Variants in SLC16A7 observed in about 807,000 individuals in gnomAD.
SLC16A7 encodes the protein solute carrier family 16 member 7, also known as monocarboxylate transporter 2.
In SLC16A7, 33 loss-of-function variants were observed where a neutral mutation model predicts 34.9. The ratio of observed to expected loss-of-function variants is 0.94; its 90% CI spans 0.72 to 1.26. The LOEUF is 1.26. SLC16A7 is among the 50% of genes most tolerant of loss of function. The pLI is 0.00. For missense variants in SLC16A7, 573 were observed against 578.1 expected, an observed-to-expected ratio of 0.99 and a Z score of 0.09; for synonymous variants, 201 against 206.6, an observed-to-expected ratio of 0.97 and a Z score of 0.23.
At chr12:59,645,672 T>C (rs2137011351) in intron 1 of SLC16A7, among the ~76,000 whole-genome samples, 2 of 148,562 alleles carry the variant, frequency 1.3e-5, no homozygotes, top group South Asian at 4.5e-4. Flanking sequence ...CCACAGAGAG[T>C]GGGGTGCTGC....
intron 3 of SLC16A7, among the ~76,000 whole-genome samples, chr12:59,749,127 G>A (rs527384189): frequency 2.2e-4 from 34 of 152,202 alleles, no homozygotes; most frequent in Non-Finnish European, 4.6e-4. Flanking sequence ...AAATTTATTA[G>A]TAAGGAAGAG....
intron 1 of SLC16A7, among the ~76,000 whole-genome samples, chr12:59,619,759 G>A (rs1174691138): frequency 2.6e-5 from 4 of 151,876 alleles, no homozygotes; most frequent in African/African-American, 9.7e-5. Flanking sequence ...AAATTGCTAG[G>A]CAAGGAGAAG....
intron 3 of SLC16A7, among the ~76,000 whole-genome samples, chr12:59,743,944 T>C (rs1878609968): frequency 6.6e-6 from 1 of 152,198 alleles, no homozygotes; most frequent in Non-Finnish European, 1.5e-5. Flanking sequence ...TGAGAGAAAA[T>C]GAAATACTGA....
At chr12:59,704,225 GA>G (rs199580719) in intron 2 of SLC16A7, among the ~76,000 whole-genome samples, 14,102 of 121,386 alleles carry the variant, frequency 0.12, 837 homozygotes, top group Non-Finnish European at 0.15. Context: ...AAAAGAAAAA[GA>G]AAAAAAAAAG....
In SLC16A7 at chr12:59,596,541, G is replaced by A. The variant is rs1878408751; in HGVS notation, c.-130+305G>A. On this transcript the variant is annotated intron_variant, in intron 1 of 5. Transcript: ENST00000547379. This position sits in a 1 kb window ranked among gnomAD's most constrained non-coding sequence, Gnocchi z 5.0. ...GGAGCGCCTCGCGTGCTTTCGGCCA[G>A]GAGGTGCTCACGCTCTCGGCTTTTA... Among the ~76,000 whole-genome samples, 1 of 152,138 alleles carries A rather than the reference G, an allele frequency of 6.6e-6. No individual in the cohort carries two copies. The highest frequency in any genetic ancestry group is 2.1e-4 in the South Asian group (1 of 4,830).
intron 1 of SLC16A7, among the ~76,000 whole-genome samples, chr12:59,628,957 A>T (rs1402569970): frequency 6.6e-6 from 1 of 151,674 alleles, no homozygotes; most frequent in Non-Finnish European, 1.5e-5. Context: ...TAAACTGGGG[A>T]GGTTACACAA....
chr12:59,745,553 C>T (rs1878802152), intron 3 of SLC16A7, among the ~76,000 whole-genome samples: 1 of 152,154 alleles, frequency 6.6e-6, no homozygotes, highest in South Asian at 2.1e-4. Context: ...TCACCAAACA[C>T]ACAATGAATG....
At chr12:59,763,360 C>A (rs148435353) in intron 3 of SLC16A7, among the ~76,000 whole-genome samples, 1 of 152,028 alleles carries the variant, frequency 6.6e-6, no homozygotes, top group East Asian at 1.9e-4. Context: ...TTTGAACTTG[C>A]CAAAAATCAC....
chr12:59,688,755 C>T (rs527987945), intron 2 of SLC16A7, among the ~76,000 whole-genome samples: 23 of 152,038 alleles, frequency 1.5e-4, no homozygotes, highest in African/African-American at 2.7e-4. Flanking sequence ...CTTAAAACAA[C>T]GTAGGTAAGA....
chr12:59,645,791 A>G (rs1050382178), intron 1 of SLC16A7, among the ~76,000 whole-genome samples: 1 of 152,098 alleles, frequency 6.6e-6, no homozygotes, highest in Non-Finnish European at 1.5e-5. Context: ...GGAAGTTTGG[A>G]ACTTCATAGA....
chr12:59,701,992 A>G (rs887248010), intron 2 of SLC16A7, among the ~76,000 whole-genome samples: 2 of 151,800 alleles, frequency 1.3e-5, no homozygotes, highest in African/African-American at 4.8e-5. Context: ...TTTAAGCCCC[A>G]TAACTGTTTT....
At chr12:59,682,029 C>A (rs1164878176) in intron 2 of SLC16A7, among the ~76,000 whole-genome samples, 1 of 151,936 alleles carries the variant, frequency 6.6e-6, no homozygotes, top group Non-Finnish European at 1.5e-5. Flanking sequence ...TTAAACTCAC[C>A]CTAGAAATTC....
intron 1 of SLC16A7, among the ~76,000 whole-genome samples, chr12:59,652,134 T>A (rs1455266069): frequency 6.6e-6 from 1 of 152,072 alleles, no homozygotes; most frequent in East Asian, 1.9e-4. Flanking sequence ...TTAGATTTAC[T>A]GTGGTTTCTA....
rs147283476 is a variant in SLC16A7, at chr12:59,666,265, G to A, written c.-31+11015G>A. Among the ~76,000 whole-genome samples, 598 of 152,122 alleles carry A rather than the reference G, an allele frequency of 3.9e-3. 1 individual carries two copies. Among genetic ancestry groups the A allele is most frequent in the Non-Finnish European group, 7.0e-3 (473 of 67,972 alleles). Reference sequence around the variant, plus strand: ...CATATTTTATTCCTTAATTCATTTCGATTTTGAAGTATATCTAGATAAGGG... The same window carrying A: ...CATATTTTATTCCTTAATTCATTTCAATTTTGAAGTATATCTAGATAAGGG... On this transcript the variant is annotated intron_variant, in intron 2 of 5. Transcript: ENST00000547379.
intron 3 of SLC16A7, among the ~76,000 whole-genome samples, chr12:59,763,208 T>G (rs1209541287): frequency 6.6e-6 from 1 of 152,098 alleles, no homozygotes; most frequent in Admixed American, 6.6e-5. Flanking sequence ...TAGTGCTAGT[T>G]AAGCAGATAC....
At chr12:59,672,954 A>G (rs1379639315) in intron 2 of SLC16A7, among the ~76,000 whole-genome samples, 8 of 152,134 alleles carry the variant, frequency 5.3e-5, no homozygotes, top group Non-Finnish European at 1.2e-4. Context: ...TAGTCCAAGG[A>G]CTTTAATTCA....
intron 3 of SLC16A7, among the ~76,000 whole-genome samples, chr12:59,741,630 A>T (rs1255850969): frequency 6.6e-6 from 1 of 152,210 alleles, no homozygotes; most frequent in Non-Finnish European, 1.5e-5. Flanking sequence ...TGAATTTTAG[A>T]GTTCTTTCAA....
chr12:59,735,440 T>G (rs1274552014), intron 3 of SLC16A7, among the ~76,000 whole-genome samples: 1 of 152,194 alleles, frequency 6.6e-6, no homozygotes, highest in Non-Finnish European at 1.5e-5. Context: ...GGCCACTAAT[T>G]TATTTTGAAT....
intron 2 of SLC16A7, among the ~76,000 whole-genome samples, chr12:59,660,284 C>G (rs17122795): frequency 5.3e-5 from 8 of 151,874 alleles, no homozygotes; most frequent in African/African-American, 1.7e-4. Flanking sequence ...AAGAGGTCCA[C>G]GTCTTCCATC....
Sources: allele counts gnomAD v4.1 joint callset (sites outside exome capture counted in the v4.1 genomes callset), GRCh38; gene constraint gnomAD v4.1.1; non-coding constraint Gnocchi (gnomAD v3.1); transcripts MANE v1.5; gene names NCBI Gene and HGNC (gene_info 2026-07-23, HGNC 2026-07-21).